Variants in LONRF2 observed in about 807,000 individuals in gnomAD.
LONRF2 encodes LON peptidase N-terminal domain and RING finger protein 2.
In LONRF2, 35 loss-of-function variants were observed where a neutral mutation model predicts 66.6. That is an observed-to-expected ratio of 0.53 (90% CI 0.40 to 0.70). The LOEUF (loss-of-function observed/expected upper bound fraction) is 0.70. LONRF2 is among the 30% of genes least tolerant of loss of function. LONRF2 has a pLI of 0.00. For synonymous variants in LONRF2, 417 were observed against 418.1 expected, an observed-to-expected ratio of 1.00 and a Z score of 0.03; for missense variants, 902 against 1,002.1, an observed-to-expected ratio of 0.90 and a Z score of 1.35.
Position 100,322,158 on chromosome 2 carries a change from C to T in LONRF2, c.-65G>A. Reference sequence around the variant, plus strand: ...GCGGAGCAGGGAGGATGCGCTGCTGCTGGGAACTGGCCGGCGGGAGCGCGG... The same window carrying T: ...GCGGAGCAGGGAGGATGCGCTGCTGTTGGGAACTGGCCGGCGGGAGCGCGG... On this transcript the variant is annotated 5_prime_UTR_variant, in exon 1 of 12. Coordinates refer to ENST00000393437, the MANE Select transcript of LONRF2 (RefSeq NM_198461.4). 8.4e-7 allele frequency: 1 copy of T among 1,185,634 alleles called. No individual in the cohort carries two copies. Among genetic ancestry groups the T allele is most frequent in the South Asian group, 4.1e-5 (1 of 24,392 alleles). 73.4% of individuals were successfully genotyped at this position (1,185,634 alleles called of 1,614,324 possible).
intron 2 of LONRF2, among the ~76,000 whole-genome samples, chr2:100,303,847 GT>G (rs1216436943): frequency 6.6e-6 from 1 of 151,862 alleles, no homozygotes; most frequent in African/African-American, 2.4e-5. Flanking sequence ...TGAAATTAAT[GT>G]TTCCCACTAA....
chr2:100,311,678 T>C (rs1024862430), intron 1 of LONRF2, among the ~76,000 whole-genome samples: 1 of 152,198 alleles, frequency 6.6e-6, no homozygotes, highest in Non-Finnish European at 1.5e-5. Flanking sequence ...AATATGTTTG[T>C]TGTAAGTTTC....
chr2:100,318,828 T>G (rs1469125849), intron 1 of LONRF2, among the ~76,000 whole-genome samples: 1 of 75,786 alleles, frequency 1.3e-5, no homozygotes, highest in Non-Finnish European at 3.0e-5. Flanking sequence ...CGAGACCTTG[T>G]CTCAAAAAAA....
chr2:100,293,716 A>T (rs1367834085), intron 9 of LONRF2, among the ~76,000 whole-genome samples: 1 of 152,184 alleles, frequency 6.6e-6, no homozygotes, highest in Non-Finnish European at 1.5e-5. Flanking sequence ...GACAGAGAAA[A>T]AGCTTTGCGC....
chr2:100,319,341 A>G (rs1559184285), intron 1 of LONRF2, among the ~76,000 whole-genome samples: 1 of 152,342 alleles, frequency 6.6e-6, no homozygotes, highest in Middle Eastern at 3.4e-3. Context: ...CTATTTTAAA[A>G]ACGTTTAAAT....
In LONRF2 at chr2:100,321,457, G is replaced by A. The variant is rs1184617530; in HGVS notation, c.637C>T (p.Pro213Ser). ...TCGCACCTGAGCAGCGCGGCCTCCG[G>A]CTGCTGCTGGCGCTGCAGGCTCCGC... ...QARSLQRQQQ[P>S]EAALLRCDQA... Residue 213 changes from proline (P) to serine (S), a missense_variant, in exon 1 of 12, where the codon CCG becomes TCG. Physicochemically the swap from Pro to Ser is moderately conservative, Grantham distance 74. Coordinates refer to ENST00000393437, the MANE Select transcript of LONRF2 (RefSeq NM_198461.4). 1 of 1,498,578 alleles carries A rather than the reference G, an allele frequency of 6.7e-7. No individual in the cohort carries two copies. Among genetic ancestry groups the A allele is most frequent in the South Asian group, 1.3e-5 (1 of 79,624 alleles). 92.8% of individuals were successfully genotyped at this position (1,498,578 alleles called of 1,614,324 possible).
At position 100,300,624 on chromosome 2, in the gene LONRF2, C is replaced by A. The variant is rs753566359; in HGVS notation, c.1065+20G>T. The A allele has an allele frequency of 2.5e-6, 4 of 1,584,566 alleles. No homozygotes were observed. In the South Asian group the frequency reaches 3.5e-5, roughly 14 times the overall value. On this transcript the variant is annotated intron_variant, in intron 4 of 11. Coordinates refer to ENST00000393437, the MANE Select transcript of LONRF2 (RefSeq NM_198461.4). ...TAAAGCTTAATCAAGAGAATCCTGACAAATGCATGCACGTCATACCTCCGA... is the reference window on the plus strand; with the variant it reads ...TAAAGCTTAATCAAGAGAATCCTGAAAAATGCATGCACGTCATACCTCCGA...
intron 1 of LONRF2, among the ~76,000 whole-genome samples, chr2:100,320,954 G>T (rs1675608750): frequency 6.6e-6 from 1 of 152,224 alleles, no homozygotes; most frequent in Non-Finnish European, 1.5e-5. Context: ...CGTTTGACGT[G>T]ATTACAGCAG....
At chr2:100,310,180 G>T (rs1024774224) in intron 1 of LONRF2, among the ~76,000 whole-genome samples, 1 of 152,168 alleles carries the variant, frequency 6.6e-6, no homozygotes, top group Non-Finnish European at 1.5e-5. Context: ...GAACTGACTT[G>T]CAGTCTACGA....
chr2:100,322,016 G>C lies in LONRF2; in HGVS notation c.78C>G (p.Arg26=), dbSNP rs1172379467. Residue 26 remains arginine, a synonymous_variant, in exon 1 of 12, where the codon CGC becomes CGG. Coordinates refer to ENST00000393437, the MANE Select transcript of LONRF2 (RefSeq NM_198461.4). ...GGAAGGCCTCGTCGCCCTCCTCTAAGCGCTGGGCGATCGGCTCCGCGCGGT... is the reference window on the plus strand; with the variant it reads ...GGAAGGCCTCGTCGCCCTCCTCTAACCGCTGGGCGATCGGCTCCGCGCGGT... The part of the protein sequence containing the change: ...GCDRAEPIAQ[R]LEEGDEAFRA... 5 of 1,420,914 alleles carry C rather than the reference G, an allele frequency of 3.5e-6. No homozygotes were observed. In the African/African-American group the frequency reaches 5.9e-5, roughly 17 times the overall value. 88.0% of individuals were successfully genotyped at this position (1,420,914 alleles called of 1,614,324 possible).
chr2:100,276,092 T>C lies in LONRF2; in HGVS notation c.*8206A>G, dbSNP rs79491260. On this transcript the variant is annotated 3_prime_UTR_variant, in exon 12 of 12. Coordinates refer to ENST00000393437, the MANE Select transcript of LONRF2 (RefSeq NM_198461.4). ...AAAATGTATACAACAAATTATATAC[T>C]AATATTACAAATAAATAAGATGTAT... 4.2e-3 allele frequency: 637 copies of C among 152,320 alleles called. 6 individuals are homozygous for C. Among genetic ancestry groups the C allele is most frequent in the African/African-American group, 0.014 (599 of 41,580 alleles). The allele number at this position is 152,320 out of a possible 1,614,324, so 9.4% of individuals were successfully genotyped here.
chr2:100,296,666 C>A (rs1675074564), intron 7 of LONRF2, among the ~76,000 whole-genome samples: 2 of 152,196 alleles, frequency 1.3e-5, no homozygotes, highest in Admixed American at 1.3e-4. Flanking sequence ...TGTTTGAGAA[C>A]CACCATCACA....
At position 100,276,256 on chromosome 2, in the gene LONRF2, A is replaced by T. The variant is rs1348013522; in HGVS notation, c.*8042T>A. On this transcript the variant is annotated 3_prime_UTR_variant, in exon 12 of 12. Coordinates refer to ENST00000393437, the MANE Select transcript of LONRF2 (RefSeq NM_198461.4). The stretch of plus-strand genomic sequence containing the variant: ...TCATAGTCTTAACACTGGGGCTCAA[A>T]TTACAGTTATACCTGGAGATCCCAC... The T allele has an allele frequency of 6.6e-6, 1 of 152,204 alleles. No individual in the cohort carries two copies. Among genetic ancestry groups the T allele is most frequent in the East Asian group, 1.9e-4 (1 of 5,202 alleles). 9.4% of individuals were successfully genotyped at this position (152,204 alleles called of 1,614,324 possible).
At chr2:100,289,398 C>T (rs1674911387) in intron 10 of LONRF2, among the ~76,000 whole-genome samples, 1 of 150,382 alleles carries the variant, frequency 6.6e-6, no homozygotes, top group Non-Finnish European at 1.5e-5. Flanking sequence ...TTGCAATGCG[C>T]AGGTTTACAT....
rs576356379 is a variant in LONRF2 at position 100,321,003 on chromosome 2, C to G, written c.679+412G>C. On this transcript the variant is annotated intron_variant, in intron 1 of 11. Coordinates refer to ENST00000393437, the MANE Select transcript of LONRF2 (RefSeq NM_198461.4). ...CCTTCCTGGCTATATTAGCTGAAAC[C>G]CAAAGCAAATCTTGCCCCAGCACAA... Among the ~76,000 whole-genome samples, 55 of 152,252 alleles carry G rather than the reference C, an allele frequency of 3.6e-4. 1 individual carries two copies. The South Asian group carries it at 7.9e-3, about 22-fold the overall frequency.
intron 1 of LONRF2, among the ~76,000 whole-genome samples, chr2:100,317,907 T>C (rs1163901225): frequency 6.6e-6 from 1 of 152,226 alleles, no homozygotes; most frequent in Non-Finnish European, 1.5e-5. Context: ...GGAACTTGAC[T>C]ATAATGTACT....
chr2:100,322,266 G>T lies in LONRF2; in HGVS notation c.-173C>A. 1.8e-6 allele frequency: 1 copy of T among 545,400 alleles called. No individual in the cohort carries two copies. Among genetic ancestry groups the T allele is most frequent in the East Asian group, 4.3e-5 (1 of 23,124 alleles). The allele number at this position is 545,400 out of a possible 1,614,324, so 33.8% of individuals were successfully genotyped here. On this transcript the variant is annotated 5_prime_UTR_variant, in exon 1 of 12. Transcript: ENST00000393437. ...GACCGCGGGCGGGGGCGGGCGCCTG[G>T]CTTGGGCAGCGTCCTCAGCGCGGTG...
chr2:100,321,373 G>C (rs1347513084), intron 1 of LONRF2, 42 bp downstream of exon 1: 1 of 1,369,212 alleles, frequency 7.3e-7, no homozygotes, highest in Non-Finnish European at 9.4e-7. Context: ...TGCTGGGCCG[G>C]ACAGGTGTAG....
In LONRF2 at chr2:100,282,378, A is replaced by C. The variant is rs1674757772; in HGVS notation, c.*1920T>G. The C allele has an allele frequency of 6.6e-6, 1 of 152,266 alleles. No individual in the cohort carries two copies. Among genetic ancestry groups the C allele is most frequent in the Non-Finnish European group, 1.5e-5 (1 of 68,042 alleles). The allele number at this position is 152,266 out of a possible 1,614,324, so 9.4% of individuals were successfully genotyped here. On this transcript the variant is annotated 3_prime_UTR_variant, in exon 12 of 12. Coordinates refer to ENST00000393437, the MANE Select transcript of LONRF2 (RefSeq NM_198461.4). ...TGGTTATTTAGATACTTCCAAATGG[A>C]AATGGCATTGATAACTATTCAGCTG...
Sources: allele counts gnomAD v4.1 joint callset (sites outside exome capture counted in the v4.1 genomes callset), GRCh38; gene constraint gnomAD v4.1.1; transcripts MANE v1.5; gene names NCBI Gene and HGNC (gene_info 2026-07-23, HGNC 2026-07-21).